SEC14L1: variants seen among roughly 807,000 people sequenced by gnomAD.
SEC14L1 encodes SEC14-like protein 1.
SEC14L1 carries 48 observed loss-of-function variants against 85.3 expected under a neutral mutation model. The observed-to-expected ratio is 0.56, with a 90% CI of 0.45 to 0.72. SEC14L1 has a LOEUF of 0.72. Among genes scored for constraint, SEC14L1 ranks in the 30% least tolerant of loss-of-function variants. The probability of loss-of-function intolerance (pLI) is 0.00; values close to 1 mark genes in which losing one functional copy is unlikely to be tolerated. For missense variants in SEC14L1, 682 were observed against 921.4 expected, an observed-to-expected ratio of 0.74 and a Z score of 3.36; for synonymous variants, 391 against 355.5, an observed-to-expected ratio of 1.10 and a Z score of -1.12.
At chr17:77,148,701 C>T (rs1382535009) in intron 3 of SEC14L1, among the ~76,000 whole-genome samples, 2 of 152,242 alleles carry the variant, frequency 1.3e-5, no homozygotes, top group Admixed American at 6.5e-5. Context: ...CCTCCCTTTG[C>T]AGGGAAAGAC....
intron 3 of SEC14L1, among the ~76,000 whole-genome samples, chr17:77,113,424 C>CA (rs1972092256): frequency 6.6e-6 from 1 of 152,022 alleles, no homozygotes; most frequent in African/African-American, 2.4e-5. Context: ...TGAATGCACC[C>CA]AAAAATGCAT....
At chr17:77,191,352 A>G (rs1485889413) in intron 5 of SEC14L1, 40 bp downstream of exon 5, 2 of 1,610,192 alleles carry the variant, frequency 1.2e-6, no homozygotes, top group African/African-American at 1.3e-5. Flanking sequence ...TTCTGCCGAC[A>G]TATGGCTTCT....
intron 13 of SEC14L1, among the ~76,000 whole-genome samples, chr17:77,207,866 T>C (rs1598402042): frequency 1.3e-5 from 2 of 152,208 alleles, no homozygotes; most frequent in East Asian, 1.9e-4. Context: ...TTCTATATCC[T>C]GTACTCAGAG....
chr17:77,178,709 A>G (rs1291455999), intron 3 of SEC14L1, among the ~76,000 whole-genome samples: 4 of 152,206 alleles, frequency 2.6e-5, no homozygotes, highest in Admixed American at 6.5e-5. Flanking sequence ...TTGTGTGTGC[A>G]GTTCACAATA....
intron 5 of SEC14L1, among the ~76,000 whole-genome samples, chr17:77,192,723 A>G (rs1374226375): frequency 6.6e-6 from 1 of 151,176 alleles, no homozygotes; most frequent in African/African-American, 2.4e-5. Flanking sequence ...AGTGCAGTGG[A>G]ACAATCAGTT....
rs183974188 is a variant in SEC14L1, at chr17:77,098,362, G to C, written c.-136+5015G>C. Among the ~76,000 whole-genome samples the C allele has an allele frequency of 1.0e-3, 157 of 152,100 alleles. 1 individual carries two copies. Among genetic ancestry groups the C allele is most frequent in the Non-Finnish European group, 7.8e-4 (53 of 67,984 alleles). On this transcript the variant is annotated intron_variant, in intron 3 of 19. Transcript: ENST00000392476. ...AAAAATACAAAAATTAGTCAGGCGTGGTGGTGCATACCTGTAATCCCAGCT... is the reference window on the plus strand; with the variant it reads ...AAAAATACAAAAATTAGTCAGGCGTCGTGGTGCATACCTGTAATCCCAGCT...
At chr17:77,195,306 G>GTTTTT (rs141600588) in intron 7 of SEC14L1, among the ~76,000 whole-genome samples, 2 of 146,318 alleles carry the variant, frequency 1.4e-5, no homozygotes, top group Admixed American at 6.8e-5. Flanking sequence ...TAAGGAAGGT[G>GTTTTT]TTTTTTTTTG....
chr17:77,123,651 G>A (rs146963586), intron 3 of SEC14L1, among the ~76,000 whole-genome samples: 25 of 151,704 alleles, frequency 1.6e-4, no homozygotes, highest in Admixed American at 5.3e-4. Flanking sequence ...GGGCTCAAGC[G>A]ATCTGCCCAC....
At chr17:77,102,035 G>A (rs1971790326) in intron 3 of SEC14L1, among the ~76,000 whole-genome samples, 1 of 152,178 alleles carries the variant, frequency 6.6e-6, no homozygotes, top group African/African-American at 2.4e-5. Flanking sequence ...CAAAACTGCA[G>A]TCATCTGTTG....
intron 3 of SEC14L1, among the ~76,000 whole-genome samples, chr17:77,158,966 C>T (rs571360422): frequency 2.1e-4 from 32 of 150,500 alleles, no homozygotes; most frequent in African/African-American, 4.6e-4. Flanking sequence ...CCACCACGCC[C>T]GGCTAATTTT....
intron 2 of SEC14L1, among the ~76,000 whole-genome samples, chr17:77,091,844 A>T (rs946457753): frequency 6.7e-6 from 1 of 148,160 alleles, no homozygotes; most frequent in African/African-American, 2.5e-5. Flanking sequence ...AAGGAGTCTT[A>T]TTCTGTTGCC....
intron 3 of SEC14L1, among the ~76,000 whole-genome samples, chr17:77,146,120 G>T (rs1973291522): frequency 6.6e-6 from 1 of 152,236 alleles, no homozygotes; most frequent in African/African-American, 2.4e-5. Context: ...CTAGCCTGTG[G>T]ATTGTTTGCC....
At chr17:77,105,143 A>G (rs72882049) in intron 3 of SEC14L1, among the ~76,000 whole-genome samples, 34,334 of 151,828 alleles carry the variant, frequency 0.23, 4,033 homozygotes, top group South Asian at 0.42. Flanking sequence ...CAGGGGGGCG[A>G]CTTTGAATAG....
Position 77,211,934 on chromosome 17 carries a change from G to T in SEC14L1, c.1612-16G>T. On this transcript the variant is annotated splice_polypyrimidine_tract_variant and intron_variant, in intron 14 of 16. Coordinates refer to ENST00000436233, the MANE Select transcript of SEC14L1 (RefSeq NM_001143998.2). ...TGCTCGTGGATCGTGGCTGCCTAAC[G>T]CTGCCTCTTTTTCAGATTCTCATTC... 6.2e-7 allele frequency: 1 copy of T among 1,611,818 alleles called. No individual in the cohort carries two copies. Among genetic ancestry groups the T allele is most frequent in the Non-Finnish European group, 8.5e-7 (1 of 1,178,710 alleles).
At chr17:77,212,491 T>TC (rs1205828069) in intron 15 of SEC14L1, among the ~76,000 whole-genome samples, 39 of 151,836 alleles carry the variant, frequency 2.6e-4, no homozygotes, top group South Asian at 1.3e-3. Context: ...ATAGGATTTT[T>TC]CCCCCCCGCC....
chr17:77,158,576 A>G (rs1973908779), intron 3 of SEC14L1, among the ~76,000 whole-genome samples: 1 of 152,048 alleles, frequency 6.6e-6, no homozygotes, highest in African/African-American at 2.4e-5. Flanking sequence ...AATGTCTTCA[A>G]GGTTCATCCA....
chr17:77,198,702 G>T (rs1488484036), intron 8 of SEC14L1, among the ~76,000 whole-genome samples: 1 of 151,564 alleles, frequency 6.6e-6, no homozygotes, highest in Non-Finnish European at 1.5e-5. Flanking sequence ...AGCCTCCCCA[G>T]TAGCTGGGAC....
chr17:77,173,028 C>G (rs2143695932), intron 3 of SEC14L1, among the ~76,000 whole-genome samples: 1 of 152,246 alleles, frequency 6.6e-6, no homozygotes, highest in South Asian at 2.1e-4. Flanking sequence ...AAGCGAATAC[C>G]TAGGATAGAC....
Position 77,153,454 on chromosome 17 carries a change from A to G in SEC14L1, c.63+9795A>G, listed in dbSNP as rs575241567. Among the ~76,000 whole-genome samples the G allele has an allele frequency of 5.3e-5, 8 of 152,360 alleles. No individual in the cohort carries two copies. The South Asian group carries it at 1.7e-3, about 32-fold the overall frequency. On this transcript the variant is annotated intron_variant, in intron 3 of 16. Transcript: ENST00000436233. The stretch of plus-strand genomic sequence containing the variant: ...CCTTTTCTTCCTAGGATTGTTCTAT[A>G]TAATTTTGAGTTGCAAATAAGATGC...
Sources: gnomAD v4.1 joint callset for allele counts (sites outside exome capture counted in the v4.1 genomes callset) on GRCh38, gnomAD v4.1.1 for gene constraint, MANE v1.5 for transcripts, NCBI Gene and HGNC (gene_info 2026-07-23, HGNC 2026-07-21) for gene names.